CAPN10: variants seen among roughly 807,000 people sequenced by gnomAD.
CAPN10 encodes the protein calpain 10, also known as calpain-10.
In CAPN10, 71 loss-of-function variants were observed where a neutral mutation model predicts 78.4. The ratio of observed to expected loss-of-function variants is 0.91; its 90% CI spans 0.75 to 1.10. The LOEUF (loss-of-function observed/expected upper bound fraction) is 1.10. Ranked by LOEUF, CAPN10 falls within the 50% of genes least tolerant of loss-of-function variation. The pLI is 0.00. For missense variants in CAPN10, 849 were observed against 924.6 expected (o/e 0.92, Z 1.06); for synonymous variants, 437 against 407.2 (o/e 1.07, Z -0.88).
At chr2:240,597,095 T>C (rs1402466702) in intron 9 of CAPN10, among the ~76,000 whole-genome samples, 153 bp downstream of exon 9, 2 of 152,320 alleles carry the variant, frequency 1.3e-5, no homozygotes, top group African/African-American at 4.8e-5. Context: ...CACAGGGCCC[T>C]CTCCCATCTC....
At chr2:240,595,581 G>A (rs1287297484) in intron 7 of CAPN10, among the ~76,000 whole-genome samples, 4 of 152,236 alleles carry the variant, frequency 2.6e-5, no homozygotes, top group Non-Finnish European at 4.4e-5. Context: ...CGCAGGAGGG[G>A]CCTGGACCCG....
At chr2:240,594,789 T>C in intron 6 of CAPN10, 80 bp downstream of exon 6, 1 of 1,157,116 alleles carries the variant, frequency 8.6e-7, no homozygotes, top group Non-Finnish European at 1.1e-6. Context: ...GGGTTCCCCC[T>C]GCCCAGGCCC....
At position 240,599,012 on chromosome 2, in the gene CAPN10, G is replaced by A. The variant is rs935040588; in HGVS notation, c.*332G>A. On this transcript the variant is annotated 3_prime_UTR_variant, in exon 12 of 12. Transcript: ENST00000391984. ...CCATATGGAGGCCTCACACCCAGAGGGTAGGGCAGCAGATCTTCTTTATAA... is the reference window on the plus strand; with the variant it reads ...CCATATGGAGGCCTCACACCCAGAGAGTAGGGCAGCAGATCTTCTTTATAA... 6 of 450,510 alleles carry A rather than the reference G, an allele frequency of 1.3e-5. No individual in the cohort carries two copies. In the Admixed American group the frequency reaches 1.8e-4, roughly 13 times the overall value. 27.9% of individuals were successfully genotyped at this position (450,510 alleles called of 1,614,324 possible).
chr2:240,591,995 C>G lies in CAPN10; in HGVS notation c.533C>G (p.Thr178Ser), dbSNP rs1167004896. Residue 178 changes from threonine to serine, a missense_variant, in exon 4 of 12, where the codon ACC (threonine) becomes AGC (serine). Coordinates refer to ENST00000391984, the MANE Select transcript of CAPN10 (RefSeq NM_023083.4). ...GQVADALVDLTGGLAERWNLK... is the reference protein window; with the variant it reads ...GQVADALVDLSGGLAERWNLK... ...GTGGCGGATGCCCTGGTGGACCTGACCGGCGGCCTGGCAGAAAGATGGAAC... is the reference window on the plus strand; with the variant it reads ...GTGGCGGATGCCCTGGTGGACCTGAGCGGCGGCCTGGCAGAAAGATGGAAC... 6.2e-7 allele frequency: 1 copy of G among 1,613,276 alleles called. No homozygotes were observed. Among genetic ancestry groups the G allele is most frequent in the Non-Finnish European group, 8.5e-7 (1 of 1,180,010 alleles).
intron 3 of CAPN10, chr2:240,591,450 G>A (rs967451249): frequency 7.4e-5 from 17 of 229,164 alleles, no homozygotes; most frequent in Admixed American, 1.0e-4. Context: ...CCCTCACCAT[G>A]AGTCATAATT....
intron 4 of CAPN10, 21 bp downstream of exon 4, chr2:240,592,171 G>A (rs147475237): frequency 6.1e-5 from 95 of 1,545,028 alleles, no homozygotes; most frequent in Admixed American, 1.8e-4. Context: ...TGGCCAGCAT[G>A]GGAGGGCTGC....
chr2:240,595,342 GGTGGT>G (rs1190324623), intron 7 of CAPN10, 38 bp downstream of exon 7: 3 of 1,600,940 alleles, frequency 1.9e-6, no homozygotes, highest in Non-Finnish European at 2.5e-6. Flanking sequence ...CGGTTCAGCA[GGTGGT>G]GTGGAGGCCC....
intron 6 of CAPN10, 85 bp from the exon 7 acceptor site, chr2:240,594,939 C>T (rs2125463186): frequency 7.0e-7 from 1 of 1,420,206 alleles, no homozygotes; most frequent in East Asian, 2.4e-5. Flanking sequence ...GCTGCTTAGA[C>T]CCTGCCAGGG....
chr2:240,591,364 C>T (rs775990395), intron 3 of CAPN10: 7 of 262,462 alleles, frequency 2.7e-5, no homozygotes, highest in Admixed American at 5.0e-5. Context: ...ATTGTGTAGT[C>T]GTTGGGGAGG....
chr2:240,587,410 G>T (rs2093075542), intron 1 of CAPN10, among the ~76,000 whole-genome samples: 1 of 152,200 alleles, frequency 6.6e-6, no homozygotes, highest in African/African-American at 2.4e-5. Flanking sequence ...CCGCAGAGAG[G>T]GCCGCTCGTG....
Position 240,595,458 on chromosome 2 carries a change from C to T in CAPN10, c.1278+154C>T, listed in dbSNP as rs1049676354. 89 of 783,088 alleles carry T rather than the reference C, an allele frequency of 1.1e-4. 1 individual carries two copies. The South Asian group carries it at 1.3e-3, about 11-fold the overall frequency. 48.5% of individuals were successfully genotyped at this position (783,088 alleles called of 1,614,324 possible). A position where few individuals can be genotyped will look rare whatever the true frequency, so the allele number is the denominator to read the frequency against. On this transcript the variant is annotated intron_variant, in intron 7 of 11. Transcript: ENST00000391984. ...TCCTTGGGCTGTTGCACGGGGTTGA[C>T]GTCTGCTGGTGCTCCCAGACCCGGC...
chr2:240,587,659 C>T (rs1158863620), intron 1 of CAPN10, among the ~76,000 whole-genome samples: 1 of 152,256 alleles, frequency 6.6e-6, no homozygotes, highest in African/African-American at 2.4e-5. Flanking sequence ...GGCCGCCAGT[C>T]TTCGAACAGA....
intron 1 of CAPN10, among the ~76,000 whole-genome samples, chr2:240,588,114 C>T (rs578180990): frequency 5.9e-5 from 9 of 152,204 alleles, no homozygotes; most frequent in African/African-American, 2.2e-4. Context: ...AACATGCCTT[C>T]TGGGTTTCTG....
At chr2:240,596,654 G>A (rs777996904) in intron 8 of CAPN10, 27 bp from the exon 9 acceptor site, 5 of 1,530,864 alleles carry the variant, frequency 3.3e-6, no homozygotes, top group Admixed American at 2.0e-5. Flanking sequence ...TGCTGCCAGC[G>A]CCCTCCCATG....
At chr2:240,594,841 G>T (rs2093126054) in intron 6 of CAPN10, 132 bp downstream of exon 6, 3 of 1,221,370 alleles carry the variant, frequency 2.5e-6, no homozygotes, top group Admixed American at 4.6e-5. Context: ...TCTGTCCCAG[G>T]AGCCGGGAGG....
In CAPN10 at chr2:240,596,830, TC is replaced by T; in HGVS notation, c.1635del (p.Phe546SerfsTer56). 6.2e-7 allele frequency: 1 copy of T among 1,613,370 alleles called. No homozygotes were observed. The highest frequency in any genetic ancestry group is 8.5e-7 in the Non-Finnish European group (1 of 1,180,000). ...NFASYPTNPC[F>X]PFSVPEGPGP... The stretch of plus-strand genomic sequence containing the variant: ...GCCTCATACCCCACCAACCCCTGCT[TC>T]CCCTTCTCGGTCCCCGAGGGCCCTG... On this transcript the variant is annotated frameshift_variant, in exon 9 of 12. Transcript: ENST00000391984. LOFTEE classifies it high-confidence loss of function.
rs1055875387 is a variant in CAPN10 at position 240,592,484 on chromosome 2, G to A, written c.688+334G>A. 1.1e-5 allele frequency: 6 copies of A among 554,804 alleles called. No homozygotes were observed. The African/African-American group carries it at 1.1e-4, about 10-fold the overall frequency. 34.4% of individuals were successfully genotyped at this position (554,804 alleles called of 1,614,324 possible). ...AAACCTGTTTTTTATTTTAGTGATA[G>A]ATAACATTCGTTAAAAACAGTTTGT... On this transcript the variant is annotated intron_variant, in intron 4 of 11. Coordinates refer to ENST00000391984, the MANE Select transcript of CAPN10 (RefSeq NM_023083.4).
intron 2 of CAPN10, 188 bp downstream of exon 2, chr2:240,589,662 G>A (rs12620571): frequency 0.093 from 70,680 of 757,076 alleles, 3,824 homozygotes; most frequent in South Asian, 0.12. Flanking sequence ...TGCTGCAGGG[G>A]GGGGTGCCTT....
Position 240,598,669 on chromosome 2 carries a change from A to T in CAPN10, c.2008A>T (p.Met670Leu). Reference sequence around the variant, plus strand: ...TTTGCAGGTCTCCATCATGGCAGTGATGAAAACCTAACAGGGTGGCCCCCT... The same window carrying T: ...TTTGCAGGTCTCCATCATGGCAGTGTTGAAAACCTAACAGGGTGGCCCCCT... ...FLQEVSIMAVMKT is the reference protein window; with the variant it reads ...FLQEVSIMAVLKT Residue 670 changes from methionine to leucine, a missense_variant, in exon 12 of 12, where the codon ATG becomes TTG. Physicochemically the swap from Met to Leu is conservative, Grantham distance 15 (BLOSUM62 2). Transcript: ENST00000391984. The T allele has an allele frequency of 6.3e-7, 1 of 1,577,580 alleles. No individual in the cohort carries two copies. The highest frequency in any genetic ancestry group is 8.6e-7 in the Non-Finnish European group (1 of 1,162,246).
Sources: allele counts gnomAD v4.1 joint callset (sites outside exome capture counted in the v4.1 genomes callset), GRCh38; gene constraint gnomAD v4.1.1; transcripts MANE v1.5; gene names NCBI Gene and HGNC (gene_info 2026-07-23, HGNC 2026-07-21).